KCTD16: variants seen among roughly 807,000 people sequenced by gnomAD.
KCTD16 encodes BTB/POZ domain-containing protein KCTD16.
KCTD16 carries 13 observed loss-of-function variants against 33.2 expected under a neutral mutation model. That is an observed-to-expected ratio of 0.39 (90% CI 0.25 to 0.62). The LOEUF is 0.62. KCTD16 is among the 20% of genes least tolerant of loss of function. The probability of loss-of-function intolerance (pLI) is 0.50; values close to 1 mark genes in which losing one functional copy is unlikely to be tolerated. For synonymous variants in KCTD16, 197 were observed against 195.3 expected (o/e 1.01, Z -0.07); for missense variants, 441 against 525.1 (o/e 0.84, Z 1.57).
chr5:144,386,166 T>C (rs2042973), intron 3 of KCTD16, among the ~76,000 whole-genome samples: 4,518 of 152,300 alleles, frequency 0.03, 109 homozygotes, highest in African/African-American at 0.056. Context: ...TCTTCTTTTC[T>C]ACAGAGCTCA....
chr5:144,277,208 G>A lies in KCTD16; in HGVS notation c.832+69662G>A, dbSNP rs189378822. Among the ~76,000 whole-genome samples the A allele has an allele frequency of 5.9e-5, 9 of 152,208 alleles. No homozygotes were observed. The East Asian group carries it at 1.7e-3, about 29-fold the overall frequency. On this transcript the variant is annotated intron_variant, in intron 3 of 3. Coordinates refer to ENST00000512467, the MANE Select transcript of KCTD16 (RefSeq NM_020768.4). ...AATTTACAATTGCATAGTTCTTTGT[G>A]CTTTTTGGTGACCCTCCTAGTCTGG...
At chr5:144,324,863 G>A (rs550018422) in intron 3 of KCTD16, among the ~76,000 whole-genome samples, 20 of 152,194 alleles carry the variant, frequency 1.3e-4, no homozygotes, top group Non-Finnish European at 2.9e-4. Flanking sequence ...TTTATTAAGT[G>A]GGAGCTGAAT....
chr5:144,289,323 G>A (rs1263735017), intron 3 of KCTD16, among the ~76,000 whole-genome samples: 2 of 152,206 alleles, frequency 1.3e-5, no homozygotes, highest in Non-Finnish European at 2.9e-5. Flanking sequence ...GCAAATTGCA[G>A]GGATCAGCTC....
At chr5:144,231,991 C>A (rs1754116442) in intron 3 of KCTD16, among the ~76,000 whole-genome samples, 1 of 152,054 alleles carries the variant, frequency 6.6e-6, no homozygotes, top group African/African-American at 2.4e-5. Context: ...AAGTAGTGTC[C>A]AGGATTACTG....
chr5:144,243,079 G>A (rs1275998418), intron 3 of KCTD16, among the ~76,000 whole-genome samples: 5 of 152,146 alleles, frequency 3.3e-5, no homozygotes, highest in African/African-American at 9.7e-5. Flanking sequence ...TCCTTTGGCT[G>A]ATGTTTTCTC....
At chr5:144,194,868 G>A (rs527679646) in intron 2 of KCTD16, among the ~76,000 whole-genome samples, 1 of 152,284 alleles carries the variant, frequency 6.6e-6, no homozygotes, top group East Asian at 1.9e-4. Flanking sequence ...CTTAAATTGT[G>A]TTTTGGTATT....
chr5:144,464,368 A>G (rs1282647050), intron 3 of KCTD16, among the ~76,000 whole-genome samples: 2 of 152,190 alleles, frequency 1.3e-5, no homozygotes, highest in Non-Finnish European at 2.9e-5. Context: ...TTTGAAAGCA[A>G]CAGTTCTTAG....
intron 3 of KCTD16, among the ~76,000 whole-genome samples, chr5:144,440,571 C>G (rs1187620922): frequency 6.6e-6 from 1 of 151,948 alleles, no homozygotes; most frequent in African/African-American, 2.4e-5. Context: ...GCAACTCACA[C>G]CGGTAATCCC....
At chr5:144,299,747 C>T (rs570188004) in intron 3 of KCTD16, among the ~76,000 whole-genome samples, 75 of 151,810 alleles carry the variant, frequency 4.9e-4, no homozygotes, top group South Asian at 2.5e-3. Flanking sequence ...TATTTGGCCT[C>T]CTTAATATGT....
chr5:144,202,180 C>G (rs2126786256), intron 2 of KCTD16, among the ~76,000 whole-genome samples: 1 of 152,262 alleles, frequency 6.6e-6, no homozygotes, highest in Middle Eastern at 3.4e-3. Context: ...TGCTGTTCAG[C>G]CTTCAGTCCG....
At chr5:144,198,928 C>T (rs149897547) in intron 2 of KCTD16, among the ~76,000 whole-genome samples, 52 of 152,244 alleles carry the variant, frequency 3.4e-4, no homozygotes, top group Non-Finnish European at 5.9e-4. Context: ...CTGGTAAGTA[C>T]CTCTTTCAAA....
intron 3 of KCTD16, among the ~76,000 whole-genome samples, chr5:144,453,251 G>A (rs911267492): frequency 3.9e-5 from 6 of 151,920 alleles, no homozygotes; most frequent in African/African-American, 7.3e-5. Context: ...CCTCTGACAC[G>A]TCAGAGTCCC....
intron 3 of KCTD16, among the ~76,000 whole-genome samples, chr5:144,259,285 G>T (rs1416617605): frequency 7.8e-6 from 1 of 128,160 alleles, no homozygotes; most frequent in Non-Finnish European, 1.7e-5. Flanking sequence ...AAAAAAAAAA[G>T]GGATGAAGCA....
At chr5:144,246,821 T>G (rs1032110184) in intron 3 of KCTD16, among the ~76,000 whole-genome samples, 7 of 151,842 alleles carry the variant, frequency 4.6e-5, no homozygotes, top group African/African-American at 1.7e-4. Flanking sequence ...TTCTGTGTCA[T>G]TCCTCCAACT....
chr5:144,250,666 A>T (rs1029320659), intron 3 of KCTD16, among the ~76,000 whole-genome samples: 9 of 152,182 alleles, frequency 5.9e-5, no homozygotes, highest in African/African-American at 2.2e-4. Context: ...TACTTTTTAG[A>T]GTCAGACATA....
intron 3 of KCTD16, among the ~76,000 whole-genome samples, chr5:144,326,070 A>T (rs1171196302): frequency 6.6e-6 from 1 of 152,212 alleles, no homozygotes; most frequent in East Asian, 1.9e-4. Context: ...ATTATGTAAA[A>T]TGTAAAATGT....
intron 3 of KCTD16, among the ~76,000 whole-genome samples, chr5:144,268,630 AGAGTT>A (rs952273793): frequency 5.9e-5 from 9 of 152,206 alleles, no homozygotes; most frequent in African/African-American, 1.9e-4. Context: ...TTATAGAGTT[AGAGTT>A]ATCAGTTTAT....
At chr5:144,352,142 T>G (rs1466578845) in intron 3 of KCTD16, among the ~76,000 whole-genome samples, 1 of 152,234 alleles carries the variant, frequency 6.6e-6, no homozygotes, top group Non-Finnish European at 1.5e-5. Context: ...CATCACTATA[T>G]GCTATTTTTA....
At chr5:144,373,538 T>C (rs1325309385) in intron 3 of KCTD16, among the ~76,000 whole-genome samples, 1 of 152,162 alleles carries the variant, frequency 6.6e-6, no homozygotes, top group Non-Finnish European at 1.5e-5. Flanking sequence ...ACTACACTTG[T>C]GTTTTTGGTC....
Sources: gnomAD v4.1 joint callset for allele counts (sites outside exome capture counted in the v4.1 genomes callset) on GRCh38, gnomAD v4.1.1 for gene constraint, MANE v1.5 for transcripts, NCBI Gene and HGNC (gene_info 2026-07-23, HGNC 2026-07-21) for gene names.